Variants in COL4A2 observed in about 807,000 individuals in gnomAD.
COL4A2 encodes collagen alpha-2(IV) chain.
Under a neutral mutation model 200.2 loss-of-function variants are expected in COL4A2, and 99 were observed. The ratio of observed to expected loss-of-function variants is 0.49; its 90% CI spans 0.42 to 0.58. The LOEUF is 0.58. COL4A2 is among the 20% of genes least tolerant of loss of function. COL4A2 has a pLI of 0.00. For missense variants in COL4A2, 1,950 were observed against 2,314.1 expected (o/e 0.84, Z 3.23); for synonymous variants, 897 against 900.6 (o/e 1.00, Z 0.07).
chr13:110,327,355 C>A (rs1239084788), intron 3 of COL4A2, among the ~76,000 whole-genome samples: 2 of 152,240 alleles, frequency 1.3e-5, no homozygotes, highest in African/African-American at 2.4e-5. Flanking sequence ...TCACCCACTC[C>A]GGGTATTTCA....
chr13:110,389,135 C>G (rs1878887813), intron 4 of COL4A2, among the ~76,000 whole-genome samples: 2 of 152,180 alleles, frequency 1.3e-5, no homozygotes, highest in Admixed American at 1.3e-4. Context: ...CCTCACAGAT[C>G]AGCTTCTTCA....
intron 16 of COL4A2, among the ~76,000 whole-genome samples, chr13:110,444,440 G>T (rs947695820): frequency 6.6e-6 from 1 of 152,194 alleles, no homozygotes. Flanking sequence ...TTATGACGTG[G>T]CCTCTAAACA....
chr13:110,357,295 T>C (rs1390534233), intron 3 of COL4A2, among the ~76,000 whole-genome samples, 177 bp from the exon 4 acceptor site: 1 of 152,180 alleles, frequency 6.6e-6, no homozygotes, highest in African/African-American at 2.4e-5. Flanking sequence ...CACTCGATTT[T>C]GCTGTGCACC....
chr13:110,495,429 T>C lies in COL4A2; in HGVS notation c.3722T>C (p.Val1241Ala). ...PGEANTLPGPVGVPGQKGDQG... is the reference protein window; with the variant it reads ...PGEANTLPGPAGVPGQKGDQG... ...GAGGCCAACACCCTTCCAGGCCCTG[T>C]GGGAGTCCCAGGACAGAAAGGAGAC... Residue 1241 changes from valine (V) to alanine (A), a missense_variant, in exon 40 of 48, where the codon GTG becomes GCG. Val to Ala is a moderately conservative substitution (Grantham distance 64). Around this residue, in one of 2 missense-constraint regions of COL4A2, gnomAD observed 1,385 missense variants for 1,720.5 expected, o/e 0.80. Coordinates refer to ENST00000360467, the MANE Select transcript of COL4A2 (RefSeq NM_001846.4). The C allele has an allele frequency of 6.2e-7, 1 of 1,613,868 alleles. No homozygotes were observed. The highest frequency in any genetic ancestry group is 2.2e-5 in the East Asian group (1 of 44,856).
intron 31 of COL4A2, 93 bp downstream of exon 31, chr13:110,480,483 G>C (rs1882862136): frequency 7.4e-7 from 1 of 1,349,050 alleles, no homozygotes; most frequent in Admixed American, 2.7e-5. Context: ...GCCTCTGTGG[G>C]CCGTGGGGCT....
At chr13:110,316,878 T>TATTTATACC (rs1274122900) in intron 3 of COL4A2, among the ~76,000 whole-genome samples, 1 of 151,998 alleles carries the variant, frequency 6.6e-6, no homozygotes. Context: ...GAAATTGTGG[T>TATTTATACC]ACATGTAAAA....
At chr13:110,440,571 G>A (rs143546039) in intron 16 of COL4A2, among the ~76,000 whole-genome samples, 3 of 152,058 alleles carry the variant, frequency 2.0e-5, no homozygotes, top group African/African-American at 7.3e-5. Context: ...ACTCCAGCCT[G>A]GGCAACAAGA....
At chr13:110,485,390 G>A (rs1344724879) in intron 33 of COL4A2, among the ~76,000 whole-genome samples, 1 of 152,126 alleles carries the variant, frequency 6.6e-6, no homozygotes, top group Non-Finnish European at 1.5e-5. Context: ...CGGCATGGTG[G>A]TGGGCGCCTG....
chr13:110,430,314 T>A (rs1343945107), intron 8 of COL4A2, 87 bp from the exon 9 acceptor site: 1 of 1,551,856 alleles, frequency 6.4e-7, no homozygotes, highest in Admixed American at 2.0e-5. Context: ...CTGTTTGATA[T>A]GCTTATTTCC....
chr13:110,342,379 A>G (rs113586155), intron 3 of COL4A2, among the ~76,000 whole-genome samples: 10 of 152,322 alleles, frequency 6.6e-5, no homozygotes, highest in African/African-American at 1.9e-4. Flanking sequence ...AAAGCATGCA[A>G]GTGTCTCCAT....
intron 24 of COL4A2, 99 bp downstream of exon 24, chr13:110,462,483 C>A: frequency 8.6e-7 from 1 of 1,157,858 alleles, no homozygotes; most frequent in Non-Finnish European, 1.2e-6. Flanking sequence ...GAGCACTAAA[C>A]CAACCTGTGC....
intron 20 of COL4A2, chr13:110,456,358 C>T: frequency 3.6e-6 from 1 of 278,402 alleles, no homozygotes; most frequent in South Asian, 3.5e-5. Context: ...ACACGTGTGC[C>T]CCCATTCCCA....
intron 12 of COL4A2, 152 bp from the exon 13 acceptor site, chr13:110,436,117 A>C: frequency 8.8e-7 from 1 of 1,142,124 alleles, no homozygotes; most frequent in Non-Finnish European, 1.3e-6. Flanking sequence ...GGATTACTCT[A>C]TTTTGTGGTT....
chr13:110,442,945 G>A (rs898506863), intron 16 of COL4A2, among the ~76,000 whole-genome samples: 3 of 152,064 alleles, frequency 2.0e-5, no homozygotes, highest in Admixed American at 6.6e-5. Flanking sequence ...CGTGTTGTGG[G>A]AAGTCCCCCC....
chr13:110,322,827 T>C (rs1885310856), intron 3 of COL4A2, among the ~76,000 whole-genome samples: 1 of 152,210 alleles, frequency 6.6e-6, no homozygotes, highest in Admixed American at 6.5e-5. Flanking sequence ...GTAATTTTAT[T>C]AAATCAGTGT....
chr13:110,441,823 G>A (rs1308325535), intron 16 of COL4A2, among the ~76,000 whole-genome samples: 1 of 151,914 alleles, frequency 6.6e-6, no homozygotes, highest in Non-Finnish European at 1.5e-5. Flanking sequence ...CCAGGTGCCT[G>A]TAATCCCAGC....
At chr13:110,439,285 C>A (rs9583493) in intron 15 of COL4A2, among the ~76,000 whole-genome samples, 53,706 of 152,046 alleles carry the variant, frequency 0.35, 9,915 homozygotes, top group Non-Finnish European at 0.42. Context: ...CTCAAAAGAC[C>A]GTATTTTACA....
At chr13:110,437,956 C>T in intron 13 of COL4A2, 46 bp from the exon 14 acceptor site, 1 of 1,515,232 alleles carries the variant, frequency 6.6e-7, no homozygotes, top group Admixed American at 1.7e-5. Flanking sequence ...TACCCATTAC[C>T]ATCCTCAAAT....
chr13:110,465,486 C>T lies in COL4A2; in HGVS notation c.1858C>T (p.Pro620Ser). 1.2e-6 allele frequency: 2 copies of T among 1,613,984 alleles called. No individual in the cohort carries two copies. The highest frequency in any genetic ancestry group is 2.2e-5 in the East Asian group (1 of 44,878). ...GTKGTPGEMG[P>S]PGLGLPGLKG... ...GAAGGGTACTCCAGGAGAAATGGGC[C>T]CCCCAGGACTGGGCCTTCCCGGCCT... Residue 620 changes from proline (P) to serine (S), a missense_variant, in exon 25 of 48, where the codon CCC becomes TCC. Transcript: ENST00000360467.
Sources: gnomAD v4.1 joint callset for allele counts (sites outside exome capture counted in the v4.1 genomes callset) on GRCh38, gnomAD v4.1.1 for gene constraint, gnomAD v4.1.1 regional missense constraint, MANE v1.5 for transcripts, NCBI Gene and HGNC (gene_info 2026-07-23, HGNC 2026-07-21) for gene names.